UTY: variants seen among roughly 807,000 people sequenced by gnomAD.
UTY encodes the protein histone demethylase UTY.
A neutral mutation model predicts 32.5 loss-of-function variants in UTY; 12 were observed. That is an observed-to-expected ratio of 0.37 (90% confidence interval 0.24 to 0.60). The LOEUF (loss-of-function observed/expected upper bound fraction) is 0.60, where lower values mean the gene tolerates loss of function less well. UTY is among the 20% of genes least tolerant of loss of function. The pLI, the probability that UTY is intolerant of heterozygous loss-of-function variation, is 0.69. For missense variants in UTY, 303 were observed against 299.2 expected (o/e 1.01, Z -0.09); for synonymous variants, 131 against 103.4 (o/e 1.27, Z -1.62).
intron 3 of UTY, among the ~76,000 whole-genome samples, chrY:13,462,227 A>T (rs773107989): frequency 3.0e-5 from 1 of 33,706 alleles, no homozygotes; most frequent in African/African-American, 1.2e-4. Flanking sequence ...ACCAAGCTCA[A>T]TGCAGTAAAT....
chrY:13,369,446 A>G, intron 8 of UTY, 97 bp from the exon 9 acceptor site: 1 of 81,714 alleles, frequency 1.2e-5, no homozygotes, highest in Non-Finnish European at 2.3e-5. Context: ...TACTTAACTT[A>G]TAAGTAACAA....
chrY:13,358,097 A>G, intron 14 of UTY, 128 bp from the exon 15 acceptor site: 2 of 168,683 alleles, frequency 1.2e-5, no homozygotes, highest in Non-Finnish European at 2.0e-5. Context: ...TTAAATCATT[A>G]AAAATTATTA....
At chrY:13,450,241 G>A in intron 3 of UTY, among the ~76,000 whole-genome samples, 4 of 33,598 alleles carry the variant, frequency 1.2e-4, no homozygotes, top group African/African-American at 4.7e-4. Flanking sequence ...CAGACTTAAA[G>A]TCTCTCTATA....
At chrY:13,324,507 C>A in intron 20 of UTY, 94 bp downstream of exon 20, 1 of 229,455 alleles carries the variant, frequency 4.4e-6, no homozygotes, top group Non-Finnish European at 6.9e-6. Context: ...AATAAAGACT[C>A]AGAATGTTGG....
intron 4 of UTY, among the ~76,000 whole-genome samples, chrY:13,434,566 T>G (rs747829045): frequency 2.9e-5 from 1 of 33,947 alleles, no homozygotes; most frequent in Admixed American, 2.7e-4. Context: ...AAGGTTCATA[T>G]AAACATAGGT....
At chrY:13,380,359 T>C in intron 8 of UTY, among the ~76,000 whole-genome samples, 1 of 28,757 alleles carries the variant, frequency 3.5e-5, no homozygotes, top group Non-Finnish European at 8.1e-5. Context: ...AATAATATAA[T>C]AGAAAAGAAG....
At chrY:13,353,882 T>G in intron 17 of UTY, among the ~76,000 whole-genome samples, 1 of 34,183 alleles carries the variant, frequency 2.9e-5, no homozygotes, top group Non-Finnish European at 7.3e-5. Context: ...TAGAAGTTGT[T>G]GTTTCAGGGA....
chrY:13,446,557 GAT>G (rs2075787002), intron 4 of UTY, among the ~76,000 whole-genome samples: 35 of 4,267 alleles, frequency 8.2e-3, no homozygotes, highest in Non-Finnish European at 8.8e-3. Flanking sequence ...GTGTGAGATA[GAT>G]AGATAGATAG....
chrY:13,395,918 T>G (rs2068139771), intron 7 of UTY, among the ~76,000 whole-genome samples: 1 of 25,231 alleles, frequency 4.0e-5, no homozygotes, highest in Non-Finnish European at 9.4e-5. Context: ...TTTTTTTTTT[T>G]TTTTTTTTTT....
chrY:13,444,173 T>C (rs774814786), intron 4 of UTY, among the ~76,000 whole-genome samples: 4 of 33,337 alleles, frequency 1.2e-4, no homozygotes, highest in Admixed American at 5.5e-4. Flanking sequence ...ATAATTGATA[T>C]CACAGAAATA....
At chrY:13,478,234 A>G in intron 2 of UTY, among the ~76,000 whole-genome samples, 1 of 33,414 alleles carries the variant, frequency 3.0e-5, no homozygotes, top group Non-Finnish European at 7.4e-5. Flanking sequence ...TCACGGGACC[A>G]ATTGACAACA....
At chrY:13,461,571 T>C (rs775847979) in intron 3 of UTY, among the ~76,000 whole-genome samples, 2 of 33,610 alleles carry the variant, frequency 6.0e-5, no homozygotes, top group African/African-American at 1.2e-4. Flanking sequence ...ACAGTGATTA[T>C]TTTAAAAGCA....
intron 8 of UTY, among the ~76,000 whole-genome samples, chrY:13,371,289 GA>G (rs2064890153): frequency 3.1e-5 from 1 of 32,708 alleles, no homozygotes; most frequent in Non-Finnish European, 7.5e-5. Flanking sequence ...ATTCAAGTCA[GA>G]AAAGCAAGTA....
Position 13,249,493 on chromosome Y carries a change from G to C in UTY, c.*363C>G. ...ATCTTATGAAGAAATGACCAGCTAG[G>C]AAAGTGTTTTTAACTAAGGAAAATT... On this transcript the variant is annotated 3_prime_UTR_variant, in exon 30 of 30. Coordinates refer to ENST00000545955, the MANE Select transcript of UTY (RefSeq NM_001258249.2). 2.2e-5 allele frequency: 1 copy of C among 45,354 alleles called. No homozygotes were observed. The highest frequency in any genetic ancestry group is 4.9e-5 in the Non-Finnish European group (1 of 20,612). 11.3% of individuals were successfully genotyped at this position (45,354 alleles called of 400,897 possible).
At chrY:13,427,204 T>G in intron 4 of UTY, among the ~76,000 whole-genome samples, 2 of 33,763 alleles carry the variant, frequency 5.9e-5, no homozygotes, top group Admixed American at 2.7e-4. Context: ...ACATGGACAC[T>G]ACAATCAATA....
chrY:13,309,077 A>AT (rs2058857688), intron 21 of UTY, among the ~76,000 whole-genome samples: 1 of 33,563 alleles, frequency 3.0e-5, no homozygotes, highest in Non-Finnish European at 7.4e-5. Flanking sequence ...TCATTTGGGA[A>AT]TAAAAAAAAT....
chrY:13,303,827 T>C (rs561932930), intron 24 of UTY, among the ~76,000 whole-genome samples: 115 of 33,642 alleles, frequency 3.4e-3, no homozygotes, highest in African/African-American at 0.012. Context: ...ACTGTGAAAA[T>C]GTAAGGTGTT....
At chrY:13,234,483 T>C, downstream of UTY, 1 of 136,651 alleles carries the variant, frequency 7.3e-6, no homozygotes, top group Non-Finnish European at 1.5e-5. Context: ...AATGGGCGTG[T>C]TAGCCCTGTT....
At chrY:13,377,353 CA>C (rs2065498208) in intron 8 of UTY, among the ~76,000 whole-genome samples, 1 of 33,694 alleles carries the variant, frequency 3.0e-5, no homozygotes, top group Non-Finnish European at 7.4e-5. Flanking sequence ...GCACATGTGA[CA>C]AAAAGAGTAA....
Sources: allele counts gnomAD v4.1 joint callset (sites outside exome capture counted in the v4.1 genomes callset), GRCh38; gene constraint gnomAD v4.1.1; transcripts MANE v1.5; gene names NCBI Gene and HGNC (gene_info 2026-07-23, HGNC 2026-07-21).